The following POU5F1B variants were observed in gnomAD, a reference collection of about 807,000 sequenced individuals.
The protein encoded by POU5F1B is POU domain, class 5, transcription factor 1B.
In POU5F1B, 24 loss-of-function variants were observed where a neutral mutation model predicts 28.1. The ratio of observed to expected loss-of-function variants is 0.85; its 90% confidence interval spans 0.62 to 1.20. POU5F1B has a LOEUF of 1.20. POU5F1B is among the 50% of genes most tolerant of loss of function. The pLI, the probability that POU5F1B is intolerant of heterozygous loss-of-function variation, is 0.00. For synonymous variants in POU5F1B, 220 were observed against 193.2 expected (o/e 1.14, Z -1.15); for missense variants, 451 against 451.5 (o/e 1.00, Z 0.01).
chr8:127,416,532 A>T (rs1815143341), exon 3 of POU5F1B: 1 of 1,609,380 alleles, frequency 6.2e-7, no homozygotes. Context: ...AGATATGCAA[A>T]GCAGAAACCC....
exon 3 of POU5F1B, chr8:127,415,941 G>A (rs1208809849): frequency 9.6e-6 from 15 of 1,562,512 alleles, no homozygotes; most frequent in Middle Eastern, 3.8e-4. Context: ...CATGGGGGGC[G>A]GAGCCGGGCT....
Position 127,416,502 on chromosome 8 carries a change from C to G in POU5F1B, c.636C>G (p.Asp212Glu), listed in dbSNP as rs778975553. Residue 212 changes from aspartate to glutamate, a missense_variant, in exon 3 of 3, where the codon GAC becomes GAG. Physicochemically the swap from Asp to Glu is conservative, Grantham distance 45 (BLOSUM62 2). Coordinates refer to ENST00000465342, the Ensembl canonical transcript of POU5F1B. The stretch of plus-strand genomic sequence containing the variant: ...TGCAGAAGTGGGTGGAGGAAGCTGA[C>G]AACAATGAAAATCTTCAGGAGATAT... 5 of 1,609,268 alleles carry G rather than the reference C, an allele frequency of 3.1e-6. No homozygotes were observed. The South Asian group carries it at 5.5e-5, about 18-fold the overall frequency.
chr8:127,413,799 GAAAT>G (rs981460755), intron 1 of POU5F1B, among the ~76,000 whole-genome samples: 1 of 151,798 alleles, frequency 6.6e-6, no homozygotes, highest in Non-Finnish European at 1.5e-5. Flanking sequence ...CATTTTGTGA[GAAAT>G]AAATAATCTA....
chr8:127,417,023 C>T (rs1815157095), exon 3 of POU5F1B: 1 of 1,550,142 alleles, frequency 6.5e-7, no homozygotes, highest in Non-Finnish European at 8.7e-7. Context: ...TGTGGCAGGG[C>T]TTTTGGGATT....
At chr8:127,415,154 C>T (rs1016654939) in intron 2 of POU5F1B, 4 of 152,246 alleles carry the variant, frequency 2.6e-5, no homozygotes, top group Admixed American at 2.0e-4. Context: ...AGCCACACCA[C>T]AATTGCTATT....
At position 127,416,652 on chromosome 8, in the gene POU5F1B, C is replaced by A. The variant is rs1202389521; in HGVS notation, c.786C>A (p.Ile262=). Reference sequence around the variant, plus strand: ...AACCCACACTGCAGATCAGCCACATCGCCCAGCAGCTTGGGCTCGAGAAGG... The same window carrying A: ...AACCCACACTGCAGATCAGCCACATAGCCCAGCAGCTTGGGCTCGAGAAGG... Residue 262 remains isoleucine, a synonymous_variant, in exon 3 of 3, where the codon ATC becomes ATA. Coordinates refer to ENST00000465342, the Ensembl canonical transcript of POU5F1B. The A allele has an allele frequency of 1.9e-6, 3 of 1,601,482 alleles. No individual in the cohort carries two copies. The African/African-American group carries it at 4.0e-5, about 21-fold the overall frequency.
chr8:127,415,501 C>T (rs1815118052), exon 3 of POU5F1B: 1 of 218,758 alleles, frequency 4.6e-6, no homozygotes, highest in South Asian at 1.5e-4. Flanking sequence ...AAGTAGATGG[C>T]TCCCATGAAG....
At chr8:127,416,644 A>G (rs931117421) in exon 3 of POU5F1B, 1 of 1,601,084 alleles carries the variant, frequency 6.2e-7, no homozygotes, top group African/African-American at 1.3e-5. Flanking sequence ...ACTGCAGATC[A>G]GCCACATCGC....
intron 1 of POU5F1B, among the ~76,000 whole-genome samples, chr8:127,414,148 G>A (rs871135): frequency 3.9e-5 from 6 of 152,042 alleles, no homozygotes; most frequent in Admixed American, 6.5e-5. Flanking sequence ...ACTCAAGAAC[G>A]TCAAATAAGC....
At chr8:127,414,745 T>G (rs1386120460) in intron 1 of POU5F1B, 1 of 152,256 alleles carries the variant, frequency 6.6e-6, no homozygotes, top group African/African-American at 2.4e-5. Context: ...ATAGTCCTCC[T>G]GCCAAATGGT....
At chr8:127,413,797 G>A (rs887903177) in intron 1 of POU5F1B, among the ~76,000 whole-genome samples, 2 of 152,058 alleles carry the variant, frequency 1.3e-5, no homozygotes, top group Middle Eastern at 3.4e-3. Context: ...TTCATTTTGT[G>A]AGAAATAAAT....
chr8:127,415,985 G>A (rs777622917), exon 3 of POU5F1B: 9 of 1,585,916 alleles, frequency 5.7e-6, no homozygotes, highest in Non-Finnish European at 6.9e-6. Flanking sequence ...AGCTTCCAAG[G>A]CCCTCCTGGA....
At chr8:127,416,412 G>A (rs1249369209) in exon 3 of POU5F1B, 3 of 1,607,540 alleles carry the variant, frequency 1.9e-6, no homozygotes, top group African/African-American at 1.3e-5. Context: ...TCAGCCAAAA[G>A]ACCATCTGCC....
At chr8:127,415,905 C>A in exon 3 of POU5F1B, 1 of 1,542,068 alleles carries the variant, frequency 6.5e-7, no homozygotes, top group South Asian at 1.2e-5. Flanking sequence ...CCTTCTCGCC[C>A]CCTCCAGGCG....
At chr8:127,415,921 G>A (rs764898370) in exon 3 of POU5F1B, 36 of 1,552,282 alleles carry the variant, frequency 2.3e-5, no homozygotes, top group Non-Finnish European at 3.0e-5. Flanking sequence ...AGGCGGTGGG[G>A]GTGATGGGCC....
At chr8:127,416,998 A>G in exon 3 of POU5F1B, 1 of 1,568,930 alleles carries the variant, frequency 6.4e-7, no homozygotes, top group South Asian at 1.2e-5. Context: ...AGCTAGGGAA[A>G]GAGAACCTGG....
At chr8:127,416,339 T>A (rs1482123347) in exon 3 of POU5F1B, 2 of 1,612,514 alleles carry the variant, frequency 1.2e-6, no homozygotes, top group South Asian at 2.2e-5. Context: ...CAGAAGAGGA[T>A]CACCCTGGGA....
chr8:127,416,066 A>G (rs780539306), exon 3 of POU5F1B: 2 of 1,612,178 alleles, frequency 1.2e-6, no homozygotes, highest in South Asian at 1.1e-5. Flanking sequence ...CCCCCGCCGT[A>G]TGAGTTATGT....
chr8:127,415,844 G>C (rs751686418), exon 3 of POU5F1B: 7 of 1,501,084 alleles, frequency 4.7e-6, no homozygotes, highest in Non-Finnish European at 6.2e-6. Flanking sequence ...CCAGGCCCCC[G>C]GCTTGGGGCG....
Sources: allele counts gnomAD v4.1 joint callset (sites outside exome capture counted in the v4.1 genomes callset), GRCh38; gene constraint gnomAD v4.1.1; transcripts MANE v1.5; gene names NCBI Gene and HGNC (gene_info 2026-07-23, HGNC 2026-07-21).